Variants in FMN2 observed in about 807,000 individuals in gnomAD.
FMN2 encodes formin-2.
In FMN2, 51 loss-of-function variants were observed where a neutral mutation model predicts 142.3. The ratio of observed to expected loss-of-function variants is 0.36; its 90% CI spans 0.29 to 0.45. The LOEUF (loss-of-function observed/expected upper bound fraction) is 0.45. Ranked by LOEUF, FMN2 falls within the 20% of genes least tolerant of loss-of-function variation. FMN2 has a pLI of 1.00. For synonymous variants in FMN2, 882 were observed against 869.8 expected (o/e 1.01, Z -0.25); for missense variants, 1,936 against 2,122.8 (o/e 0.91, Z 1.73).
At chr1:240,329,655 CA>C (rs1002682127) in intron 10 of FMN2, among the ~76,000 whole-genome samples, 187 bp downstream of exon 10, 1 of 152,142 alleles carries the variant, frequency 6.6e-6, no homozygotes, top group African/African-American at 2.4e-5. Flanking sequence ...GGCGGGCGCC[CA>C]GGGCTACAGG....
At chr1:240,251,459 T>G (rs1668275962) in intron 6 of FMN2, among the ~76,000 whole-genome samples, 1 of 152,206 alleles carries the variant, frequency 6.6e-6, no homozygotes, top group Non-Finnish European at 1.5e-5. Flanking sequence ...TTTCGATATT[T>G]AAAATGTGTT....
chr1:240,103,311 G>C (rs1486177789), intron 1 of FMN2, among the ~76,000 whole-genome samples: 2 of 152,194 alleles, frequency 1.3e-5, no homozygotes, highest in Admixed American at 6.5e-5. Flanking sequence ...TTAAGGTTGA[G>C]CCCCTGATTT....
intron 2 of FMN2, among the ~76,000 whole-genome samples, chr1:240,175,503 T>G (rs1664878324): frequency 6.6e-6 from 1 of 152,160 alleles, no homozygotes; most frequent in African/African-American, 2.4e-5. Flanking sequence ...TCTATCTTGT[T>G]GTTGTTGTTT....
chr1:240,441,544 A>T (rs1211226294), intron 16 of FMN2, among the ~76,000 whole-genome samples: 2 of 151,530 alleles, frequency 1.3e-5, no homozygotes, highest in East Asian at 3.9e-4. Flanking sequence ...TCAATGGCTA[A>T]TCTTATACTG....
rs1386726721 is a variant in FMN2, at chr1:240,329,065, TG to T, written c.4216-10del. ...AGACTTTGAAAAACTATTTGGTTTT[TG>T]TTTTTCTAGAGAGCACAGTCAGACG... On this transcript the variant is annotated splice_polypyrimidine_tract_variant and intron_variant, in intron 8 of 17. Transcript: ENST00000319653. 1 of 1,611,888 alleles carries T rather than the reference TG, an allele frequency of 6.2e-7. No individual in the cohort carries two copies. Among genetic ancestry groups the T allele is most frequent in the Non-Finnish European group, 8.5e-7 (1 of 1,178,950 alleles).
chr1:240,278,201 CAG>C (rs898185774), intron 7 of FMN2, among the ~76,000 whole-genome samples: 5 of 152,254 alleles, frequency 3.3e-5, no homozygotes, highest in Admixed American at 1.3e-4. Flanking sequence ...CTCACTGCTG[CAG>C]AGTGTCTGGA....
chr1:240,208,861 C>A, intron 5 of FMN2, 129 bp downstream of exon 5: 1 of 1,197,210 alleles, frequency 8.4e-7, no homozygotes, highest in Non-Finnish European at 1.2e-6. Context: ...TAGATTTTTA[C>A]ATCAATATAT....
intron 2 of FMN2, among the ~76,000 whole-genome samples, chr1:240,146,565 G>A (rs980398470): frequency 1.3e-5 from 2 of 151,064 alleles, no homozygotes; most frequent in African/African-American, 2.4e-5. Context: ...TTAGCCGGGC[G>A]TGGTGGCATG....
intron 15 of FMN2, among the ~76,000 whole-genome samples, chr1:240,413,120 C>CAAAAAAAAAAAAAAAA (rs35590068): frequency 4.1e-5 from 1 of 24,566 alleles, no homozygotes; most frequent in African/African-American, 1.2e-4. Flanking sequence ...GAGACTCTGT[C>CAAAAAAAAAAAAAAAA]AAAAAAAAAA....
intron 14 of FMN2, among the ~76,000 whole-genome samples, chr1:240,383,890 ATAT>A (rs1673313344): frequency 2.1e-5 from 3 of 145,808 alleles, no homozygotes; most frequent in African/African-American, 7.7e-5. Flanking sequence ...GAAAAAAAAT[ATAT>A]ATATATATAT....
In FMN2 at chr1:240,207,602, C is replaced by CA. The variant is rs781385282; in HGVS notation, c.2791dup (p.Ile931AsnfsTer322). 3.8e-6 allele frequency: 6 copies of CA among 1,584,140 alleles called. No individual in the cohort carries two copies. The highest frequency in any genetic ancestry group is 1.1e-5 in the South Asian group (1 of 86,974). ...CTCCGCCGCCTCTACCCGGAGCAGG[C>CA]ATACTCCCTCTGCCCCCTCTACCCG... On this transcript the variant is annotated frameshift_variant, in exon 5 of 18. Transcript: ENST00000319653. LOFTEE classifies it high-confidence loss of function.
At chr1:240,212,482 C>T (rs577712750) in intron 6 of FMN2, among the ~76,000 whole-genome samples, 1 of 152,128 alleles carries the variant, frequency 6.6e-6, no homozygotes, top group Non-Finnish European at 1.5e-5. Context: ...GAGATGGCAC[C>T]TGGCACATTG....
At chr1:240,398,044 G>A (rs1182977710) in intron 15 of FMN2, among the ~76,000 whole-genome samples, 1 of 148,822 alleles carries the variant, frequency 6.7e-6, no homozygotes, top group African/African-American at 2.5e-5. Flanking sequence ...CACCCAGACT[G>A]GAGGACAGTG....
chr1:240,109,189 C>A (rs1350202436), intron 1 of FMN2, among the ~76,000 whole-genome samples: 3 of 152,174 alleles, frequency 2.0e-5, no homozygotes, highest in Admixed American at 2.0e-4. Context: ...TTACACTTAG[C>A]CCTCTCATGT....
intron 2 of FMN2, chr1:240,144,850 A>C: frequency 6.9e-7 from 1 of 1,440,196 alleles, no homozygotes; most frequent in Non-Finnish European, 9.8e-7. Context: ...CCTTCTTTGC[A>C]TCATCCAGCT....
chr1:240,305,157 G>T (rs1274776223), intron 8 of FMN2, among the ~76,000 whole-genome samples: 1 of 152,134 alleles, frequency 6.6e-6, no homozygotes, highest in Non-Finnish European at 1.5e-5. Context: ...GGGTCATCTT[G>T]AGGTTGGCAT....
chr1:240,104,944 G>T (rs1055491113), intron 1 of FMN2, among the ~76,000 whole-genome samples: 16 of 152,010 alleles, frequency 1.1e-4, no homozygotes, highest in Non-Finnish European at 1.9e-4. Context: ...GGCCACCAGA[G>T]AAAACAGTCT....
At chr1:240,151,097 G>A (rs1663751820) in intron 2 of FMN2, among the ~76,000 whole-genome samples, 1 of 152,154 alleles carries the variant, frequency 6.6e-6, no homozygotes, top group Non-Finnish European at 1.5e-5. Context: ...GTTGATTTAA[G>A]GGCACGGTCT....
chr1:240,350,052 G>A (rs956747596), intron 13 of FMN2, among the ~76,000 whole-genome samples: 5 of 152,034 alleles, frequency 3.3e-5, no homozygotes, highest in Non-Finnish European at 1.5e-5. Flanking sequence ...ACAGTTAAGA[G>A]AAGAATGGTG....
Sources: gnomAD v4.1 joint callset for allele counts (sites outside exome capture counted in the v4.1 genomes callset) on GRCh38, gnomAD v4.1.1 for gene constraint, MANE v1.5 for transcripts, NCBI Gene and HGNC (gene_info 2026-07-23, HGNC 2026-07-21) for gene names.